The following ASCC1 variants were observed in gnomAD, a reference collection of about 807,000 sequenced individuals.
The protein encoded by ASCC1 is activating signal cointegrator 1 complex subunit 1.
In ASCC1, 35 loss-of-function variants were observed where a neutral mutation model predicts 46.6. The ratio of observed to expected loss-of-function variants is 0.75; its 90% CI spans 0.57 to 0.99. The LOEUF (loss-of-function observed/expected upper bound fraction) is 0.99. ASCC1 is among the 50% of genes least tolerant of loss of function. ASCC1 has a pLI of 0.00. For synonymous variants in ASCC1, 143 were observed against 146.6 expected (o/e 0.98, Z 0.18); for missense variants, 376 against 428.7 (o/e 0.88, Z 1.09).
At position 72,161,458 on chromosome 10, in the gene ASCC1, G is replaced by A; in HGVS notation, c.626+80C>T. Reference sequence around the variant, plus strand: ...GTCCTTCCCATGTTATACACCCTCTGGTTCAAAAACAAGTCTGTAATACCA... The same window carrying A: ...GTCCTTCCCATGTTATACACCCTCTAGTTCAAAAACAAGTCTGTAATACCA... On this transcript the variant is annotated intron_variant, in intron 6 of 9. Coordinates refer to ENST00000672957, the MANE Select transcript of ASCC1 (RefSeq NM_001198800.3). The A allele has an allele frequency of 2.5e-6, 4 of 1,574,566 alleles. No individual in the cohort carries two copies. The South Asian group carries it at 4.4e-5, about 17-fold the overall frequency.
At chr10:72,209,931 T>C (rs77984216) in intron 3 of ASCC1, among the ~76,000 whole-genome samples, 4,112 of 152,240 alleles carry the variant, frequency 0.027, 76 homozygotes, top group East Asian at 0.074. Flanking sequence ...GGATCCCTCA[T>C]GATGGCTTAG....
chr10:72,205,464 C>T (rs1857070681), intron 3 of ASCC1, among the ~76,000 whole-genome samples: 2 of 152,060 alleles, frequency 1.3e-5, no homozygotes, highest in South Asian at 4.2e-4. Context: ...AACCCCATCT[C>T]CACTAAAAAT....
intron 3 of ASCC1, 32 bp from the exon 4 acceptor site, chr10:72,203,556 G>A (rs1327033159): frequency 6.8e-7 from 1 of 1,464,140 alleles, no homozygotes; most frequent in South Asian, 1.1e-5. Flanking sequence ...AGAAGATTAA[G>A]TCAAAATGTA....
intron 7 of ASCC1, among the ~76,000 whole-genome samples, chr10:72,147,740 GTATT>G (rs1457889141): frequency 2.6e-5 from 4 of 152,146 alleles, no homozygotes; most frequent in African/African-American, 9.7e-5. Flanking sequence ...CATAAAAACA[GTATT>G]TATCTTACAC....
chr10:72,203,975 G>T (rs1856855698), intron 3 of ASCC1, among the ~76,000 whole-genome samples: 1 of 152,112 alleles, frequency 6.6e-6, no homozygotes, highest in Admixed American at 6.6e-5. Flanking sequence ...TAGGCTGGCG[G>T]CAGTGGCTCA....
At position 72,123,918 on chromosome 10, in the gene ASCC1, T is replaced by C. The variant is rs184025921; in HGVS notation, c.957+4164A>G. On this transcript the variant is annotated intron_variant, in intron 9 of 9. Transcript: ENST00000672957. ...ATTAAATGTACGTCTCATGTACATA[T>C]ATAAATATACACATATATATTTCAG... is the stretch of plus-strand genomic sequence containing the variant. 5.9e-5 allele frequency among the ~76,000 whole-genome samples: 9 copies of C among 152,362 alleles called. No individual in the cohort carries two copies. In the East Asian group the frequency reaches 1.3e-3, roughly 23 times the overall value.
chr10:72,178,680 A>T (rs1432937829), intron 5 of ASCC1, among the ~76,000 whole-genome samples: 1 of 152,154 alleles, frequency 6.6e-6, no homozygotes, highest in Non-Finnish European at 1.5e-5. Flanking sequence ...GGGTCTTCCG[A>T]CCTGCAGTAC....
intron 7 of ASCC1, among the ~76,000 whole-genome samples, chr10:72,142,347 C>T (rs1276470422): frequency 6.6e-6 from 1 of 151,004 alleles, no homozygotes; most frequent in African/African-American, 2.4e-5. Context: ...AGAAAATTGC[C>T]AAATCCAGCA....
At chr10:72,211,961 A>C (rs1477715254) in intron 2 of ASCC1, among the ~76,000 whole-genome samples, 1 of 152,212 alleles carries the variant, frequency 6.6e-6, no homozygotes, top group Non-Finnish European at 1.5e-5. Flanking sequence ...AGGCAAGAGG[A>C]TCACCCGAAG....
At chr10:72,130,430 T>C (rs138959594) in intron 8 of ASCC1, among the ~76,000 whole-genome samples, 190 of 152,272 alleles carry the variant, frequency 1.2e-3, no homozygotes, top group African/African-American at 4.4e-3. Flanking sequence ...CATCTGCAAA[T>C]AGAGGGATAA....
intron 7 of ASCC1, among the ~76,000 whole-genome samples, chr10:72,141,966 T>A (rs974258502): frequency 6.6e-6 from 1 of 152,204 alleles, no homozygotes; most frequent in Non-Finnish European, 1.5e-5. Context: ...ATGTACTTTT[T>A]AAAATTGTCT....
intron 6 of ASCC1, among the ~76,000 whole-genome samples, chr10:72,153,772 T>C (rs531868415): frequency 6.1e-4 from 93 of 151,610 alleles, no homozygotes; most frequent in African/African-American, 2.2e-3. Context: ...TCGCCCAGGC[T>C]GGAGTGCAAT....
chr10:72,208,632 G>A (rs1022731855), intron 3 of ASCC1, among the ~76,000 whole-genome samples: 1 of 151,974 alleles, frequency 6.6e-6, no homozygotes, highest in Non-Finnish European at 1.5e-5. Flanking sequence ...TAGTAGTGCA[G>A]GCCTGTAGTT....
chr10:72,173,091 G>T (rs961887911), intron 5 of ASCC1, among the ~76,000 whole-genome samples: 1 of 149,666 alleles, frequency 6.7e-6, no homozygotes, highest in Non-Finnish European at 1.5e-5. Context: ...GCCAAATCAA[G>T]ACTTAACTAG....
At chr10:72,180,870 G>A (rs958828158) in intron 5 of ASCC1, 1 of 178,830 alleles carries the variant, frequency 5.6e-6, no homozygotes, top group Non-Finnish European at 1.2e-5. Context: ...CCAAAGAATT[G>A]AGTTCAGTTC....
chr10:72,135,149 C>T (rs2132322959), intron 7 of ASCC1, among the ~76,000 whole-genome samples: 1 of 152,202 alleles, frequency 6.6e-6, no homozygotes, highest in South Asian at 2.1e-4. Context: ...GAAAAGGAAA[C>T]CAGGCAATAG....
intron 4 of ASCC1, among the ~76,000 whole-genome samples, chr10:72,202,794 C>G (rs1197731670): frequency 6.6e-6 from 1 of 152,084 alleles, no homozygotes; most frequent in African/African-American, 2.4e-5. Flanking sequence ...TTCTCTAATT[C>G]TAATTGGAAA....
chr10:72,099,476 T>C (rs1159852030), intron 9 of ASCC1, among the ~76,000 whole-genome samples: 2 of 152,254 alleles, frequency 1.3e-5, no homozygotes, highest in Middle Eastern at 3.4e-3. Flanking sequence ...CACCACCCAC[T>C]GTACCAACCA....
intron 9 of ASCC1, among the ~76,000 whole-genome samples, chr10:72,114,713 T>A (rs1299321220): frequency 6.6e-6 from 1 of 152,122 alleles, no homozygotes; most frequent in Non-Finnish European, 1.5e-5. Flanking sequence ...GTTAACTATA[T>A]CTTTATGACA....
Sources: gnomAD v4.1 joint callset for allele counts (sites outside exome capture counted in the v4.1 genomes callset) on GRCh38, gnomAD v4.1.1 for gene constraint, MANE v1.5 for transcripts, NCBI Gene and HGNC (gene_info 2026-07-23, HGNC 2026-07-21) for gene names.